Variants in GRK3 observed in about 807,000 individuals in gnomAD.
The protein encoded by GRK3 is G protein-coupled receptor kinase 3.
A neutral mutation model predicts 95.7 loss-of-function variants in GRK3; 54 were observed. The observed-to-expected ratio is 0.56, with a 90% CI of 0.45 to 0.71. GRK3 has a LOEUF of 0.71. GRK3 is among the 30% of genes least tolerant of loss of function. GRK3 has a pLI of 0.00. For missense variants in GRK3, 649 were observed against 851.2 expected (o/e 0.76, Z 2.96); for synonymous variants, 281 against 290.8 (o/e 0.97, Z 0.34).
intron 2 of GRK3, among the ~76,000 whole-genome samples, chr22:25,643,991 G>C (rs2084761705): frequency 6.6e-6 from 1 of 152,206 alleles, no homozygotes; most frequent in Non-Finnish European, 1.5e-5. Flanking sequence ...GGTGAGGCTT[G>C]TAGTTGTGAA....
chr22:25,714,784 C>T (rs749690815), intron 18 of GRK3, among the ~76,000 whole-genome samples: 8 of 152,206 alleles, frequency 5.3e-5, no homozygotes, highest in Middle Eastern at 3.4e-3. Context: ...GACAGGTGGC[C>T]GGGTTTCTTT....
chr22:25,588,435 A>T (rs1011935219), intron 1 of GRK3, among the ~76,000 whole-genome samples: 9 of 152,204 alleles, frequency 5.9e-5, no homozygotes, highest in Non-Finnish European at 1.5e-5. Flanking sequence ...ATTATATGAG[A>T]CTTTCCTGTA....
chr22:25,658,236 A>C (rs1431879017), intron 3 of GRK3, among the ~76,000 whole-genome samples: 4 of 152,154 alleles, frequency 2.6e-5, no homozygotes, highest in African/African-American at 9.7e-5. Context: ...CTTCATCTGT[A>C]GAATAATTTT....
chr22:25,624,834 C>T (rs780022069), intron 2 of GRK3, among the ~76,000 whole-genome samples: 27 of 152,166 alleles, frequency 1.8e-4, no homozygotes, highest in Middle Eastern at 6.8e-3. Context: ...TTTCTGTTTC[C>T]GCACACAATG....
intron 2 of GRK3, among the ~76,000 whole-genome samples, chr22:25,605,488 AC>A (rs1223927422): frequency 6.6e-6 from 1 of 152,052 alleles, no homozygotes; most frequent in African/African-American, 2.4e-5. Context: ...AGAGAGAGAA[AC>A]TCTGTATCTC....
At chr22:25,719,851 C>T (rs987474048) in intron 19 of GRK3, among the ~76,000 whole-genome samples, 1 of 152,174 alleles carries the variant, frequency 6.6e-6, no homozygotes, top group Non-Finnish European at 1.5e-5. Flanking sequence ...ATGTATTTGA[C>T]TTTGGACTGT....
intron 6 of GRK3, among the ~76,000 whole-genome samples, chr22:25,668,069 G>A (rs886263751): frequency 6.6e-6 from 1 of 152,126 alleles, no homozygotes; most frequent in Non-Finnish European, 1.5e-5. Flanking sequence ...ATTTTAAAAA[G>A]TATCTTATTG....
chr22:25,574,282 C>G (rs1313914107), intron 1 of GRK3, among the ~76,000 whole-genome samples: 2 of 152,116 alleles, frequency 1.3e-5, no homozygotes, highest in Non-Finnish European at 2.9e-5. Context: ...CTCAGGAGTT[C>G]AAGACCAGCC....
chr22:25,700,567 T>C (rs1000100020), intron 13 of GRK3, among the ~76,000 whole-genome samples: 1 of 152,164 alleles, frequency 6.6e-6, no homozygotes, highest in Admixed American at 6.5e-5. Flanking sequence ...ACATTTAATA[T>C]AACATGCCAT....
chr22:25,713,184 G>T (rs568554527), intron 17 of GRK3, among the ~76,000 whole-genome samples: 59 of 152,262 alleles, frequency 3.9e-4, no homozygotes, highest in African/African-American at 1.4e-3. Context: ...TTGCCAGACC[G>T]TTCAGAGCCT....
At chr22:25,710,016 C>T (rs768488314) in intron 16 of GRK3, 52 bp downstream of exon 16, 35 of 1,313,108 alleles carry the variant, frequency 2.7e-5, no homozygotes, top group African/African-American at 1.0e-4. Flanking sequence ...CGCCCTTACC[C>T]GCTCATCTCT....
At chr22:25,662,289 G>A (rs1482599840) in intron 4 of GRK3, among the ~76,000 whole-genome samples, 1 of 152,170 alleles carries the variant, frequency 6.6e-6, no homozygotes, top group African/African-American at 2.4e-5. Flanking sequence ...GACAGTCCTG[G>A]CCTGCTGTAT....
chr22:25,674,326 C>A, intron 7 of GRK3, 111 bp from the exon 8 acceptor site: 1 of 840,590 alleles, frequency 1.2e-6, no homozygotes, highest in Non-Finnish European at 1.9e-6. Flanking sequence ...AGGGTAGATC[C>A]CTAAGTCAGA....
chr22:25,574,033 G>A (rs959964590), intron 1 of GRK3, among the ~76,000 whole-genome samples: 12 of 152,184 alleles, frequency 7.9e-5, no homozygotes, highest in Non-Finnish European at 1.3e-4. Flanking sequence ...TTCAATGTCA[G>A]CAATAAAACT....
chr22:25,607,753 T>G (rs1255399207), intron 2 of GRK3, among the ~76,000 whole-genome samples: 5 of 151,732 alleles, frequency 3.3e-5, no homozygotes, highest in Non-Finnish European at 7.4e-5. Context: ...ATTTTTTTTT[T>G]TTTTTTCAGT....
chr22:25,706,341 G>GT (rs1403009488), intron 15 of GRK3, among the ~76,000 whole-genome samples: 119 of 151,368 alleles, frequency 7.9e-4, no homozygotes, highest in Non-Finnish European at 1.6e-3. Context: ...CAATGCCCAG[G>GT]CCTGTGTCTC....
At chr22:25,630,153 C>T (rs929064146) in intron 2 of GRK3, among the ~76,000 whole-genome samples, 3 of 152,064 alleles carry the variant, frequency 2.0e-5, no homozygotes, top group African/African-American at 4.8e-5. Flanking sequence ...TCATGTGTAT[C>T]GATTGGTTGG....
intron 1 of GRK3, among the ~76,000 whole-genome samples, chr22:25,599,909 A>C (rs1480132494): frequency 6.6e-6 from 1 of 152,196 alleles, no homozygotes; most frequent in African/African-American, 2.4e-5. Context: ...GCTGATGGGA[A>C]TCTGAAAGGT....
chr22:25,702,868 A>G (rs760467845), intron 13 of GRK3: 17 of 455,970 alleles, frequency 3.7e-5, no homozygotes, highest in Admixed American at 1.6e-4. Context: ...GAAGGTTTCT[A>G]TGTGGCTGAC....
Sources: allele counts gnomAD v4.1 joint callset (sites outside exome capture counted in the v4.1 genomes callset), GRCh38; gene constraint gnomAD v4.1.1; transcripts MANE v1.5; gene names NCBI Gene and HGNC (gene_info 2026-07-23, HGNC 2026-07-21).